The following EFCAB7 variants were observed in gnomAD, a reference collection of about 807,000 sequenced individuals.
EFCAB7 encodes EF-hand calcium binding domain 7.
Under a neutral mutation model 77.1 loss-of-function variants are expected in EFCAB7, and 66 were observed. The ratio of observed to expected loss-of-function variants is 0.86; its 90% CI spans 0.70 to 1.05. The LOEUF (loss-of-function observed/expected upper bound fraction) is 1.05. Among genes scored for constraint, EFCAB7 ranks in the 50% least tolerant of loss-of-function variants. EFCAB7 has a pLI of 0.00. For synonymous variants in EFCAB7, 225 were observed against 243.3 expected, an observed-to-expected ratio of 0.92 and a Z score of 0.70; for missense variants, 638 against 730.5, an observed-to-expected ratio of 0.87 and a Z score of 1.46.
chr1:63,535,599 C>T (rs1646753416), intron 6 of EFCAB7, among the ~76,000 whole-genome samples: 1 of 151,984 alleles, frequency 6.6e-6, no homozygotes, highest in South Asian at 2.1e-4. Flanking sequence ...GTCAGCAGCC[C>T]TTCAGAGTTT....
intron 7 of EFCAB7, chr1:63,549,335 G>T: frequency 2.1e-6 from 1 of 470,874 alleles, no homozygotes; most frequent in Admixed American, 2.4e-5. Flanking sequence ...AAGGTGTACT[G>T]CAAGGAACAA....
At chr1:63,568,651 T>A in intron 12 of EFCAB7, 132 bp downstream of exon 12, 1 of 639,574 alleles carries the variant, frequency 1.6e-6, no homozygotes, top group East Asian at 3.4e-5. Flanking sequence ...TGCATAATTA[T>A]TTTTTCTCCT....
intron 6 of EFCAB7, among the ~76,000 whole-genome samples, chr1:63,543,294 C>A (rs950633553): frequency 2.6e-4 from 40 of 152,206 alleles, no homozygotes; most frequent in Non-Finnish European, 4.3e-4. Flanking sequence ...TTCTATTGTT[C>A]TGTATGTCTG....
At position 63,572,434 on chromosome 1, in the gene EFCAB7, A is replaced by T; in HGVS notation, c.1816-8A>T. 1 of 1,574,344 alleles carries T rather than the reference A, an allele frequency of 6.4e-7. No homozygotes were observed. On this transcript the variant is annotated splice_polypyrimidine_tract_variant and splice_region_variant and intron_variant, in intron 13 of 13. Coordinates refer to ENST00000371088, the MANE Select transcript of EFCAB7 (RefSeq NM_032437.4). ...AAGAGAGTAAAAGCTTTCTATTTTT[A>T]TGTGCAGGTTTGTCAACATGTAATG...
At position 63,571,072 on chromosome 1, in the gene EFCAB7, A is replaced by G; in HGVS notation, c.1759A>G (p.Ile587Val). 6.2e-7 allele frequency: 1 copy of G among 1,612,808 alleles called. No individual in the cohort carries two copies. Among genetic ancestry groups the G allele is most frequent in the South Asian group, 1.1e-5 (1 of 90,806 alleles). Reference protein sequence around the residue: ...HISNELSKNCINNRGLNIFAV... With the variant: ...HISNELSKNCVNNRGLNIFAV... ...CAGCAATGAGCTAAGTAAAAACTGCATAAACAACAGAGGACTCAACATATT... is the reference window on the plus strand; with the variant it reads ...CAGCAATGAGCTAAGTAAAAACTGCGTAAACAACAGAGGACTCAACATATT... The change falls in exon 13 of 14, where the codon ATA becomes GTA. Residue 587 changes from isoleucine (I) to valine (V), a missense_variant. Transcript: ENST00000371088.
chr1:63,555,652 G>C (rs915549248), intron 9 of EFCAB7, 137 bp downstream of exon 9: 60 of 670,408 alleles, frequency 8.9e-5, no homozygotes, highest in Middle Eastern at 4.4e-4. Flanking sequence ...TGAACAACCT[G>C]TATGAACTTG....
rs531855657 is a variant in EFCAB7, at chr1:63,562,018, C to T, written c.1497+161C>T. ...AACAACATGTTTCTGTTAGTTTATA[C>T]AAGTTCTTGTTCTCACCTGAAATTT... On this transcript the variant is annotated intron_variant, in intron 11 of 13. Transcript: ENST00000371088. 7.2e-5 allele frequency among the ~76,000 whole-genome samples: 11 copies of T among 152,212 alleles called. No individual in the cohort carries two copies. In the South Asian group the frequency reaches 1.9e-3, roughly 26 times the overall value.
rs1646699917 is a variant in EFCAB7 at position 63,531,811 on chromosome 1, G to A, written c.188-9G>A. 5 of 1,609,042 alleles carry A rather than the reference G, an allele frequency of 3.1e-6. No homozygotes were observed. Among genetic ancestry groups the A allele is most frequent in the Non-Finnish European group, 3.4e-6 (4 of 1,178,212 alleles). On this transcript the variant is annotated splice_polypyrimidine_tract_variant and intron_variant, in intron 2 of 13. Transcript: ENST00000371088. ...TACAATCACAAATAATACTTGTCTTGTTGGGCAGCTCTTCAGCATGCAGGA... is the reference window on the plus strand; with the variant it reads ...TACAATCACAAATAATACTTGTCTTATTGGGCAGCTCTTCAGCATGCAGGA...
chr1:63,538,616 C>G (rs898180229), intron 6 of EFCAB7, among the ~76,000 whole-genome samples: 6 of 152,004 alleles, frequency 3.9e-5, no homozygotes, highest in Non-Finnish European at 8.8e-5. Flanking sequence ...ACCACGCTGG[C>G]TAATTTTTGT....
At chr1:63,557,953 T>C (rs1277028239) in intron 10 of EFCAB7, among the ~76,000 whole-genome samples, 1 of 152,300 alleles carries the variant, frequency 6.6e-6, no homozygotes, top group Non-Finnish European at 1.5e-5. Flanking sequence ...CTGGGATAGC[T>C]ATATGTGGGT....
rs1343198893 is a variant in EFCAB7, at chr1:63,533,429, C to G, written c.487-25C>G. The stretch of plus-strand genomic sequence containing the variant: ...CCCAGTGTATGATTGAATGTTTTAC[C>G]CACTGGACTTTTTTTTTCCTGTAGT... On this transcript the variant is annotated intron_variant, in intron 4 of 13. Coordinates refer to ENST00000371088, the MANE Select transcript of EFCAB7 (RefSeq NM_032437.4). 6.4e-6 allele frequency: 10 copies of G among 1,574,448 alleles called. No homozygotes were observed. The East Asian group carries it at 1.6e-4, about 25-fold the overall frequency.
At chr1:63,549,493 A>ACAG in intron 7 of EFCAB7, 1 of 459,442 alleles carries the variant, frequency 2.2e-6, no homozygotes, top group Non-Finnish European at 4.5e-6. Flanking sequence ...CAGGAGGTGG[A>ACAG]TAATTACTGT....
At chr1:63,571,280 G>A in intron 13 of EFCAB7, 152 bp downstream of exon 13, 1 of 581,510 alleles carries the variant, frequency 1.7e-6, no homozygotes, top group Admixed American at 3.4e-5. Flanking sequence ...CTCAGAGACA[G>A]GAGACTTTGG....
In EFCAB7 at chr1:63,523,530, C is replaced by T. The variant is rs1185811610; in HGVS notation, c.-106C>T. ...TTCCGGTGGCGGTGAGGTGCAGTTGCCATGGTGATTAGAGAAAGGCCGAGA... is the reference window on the plus strand; with the variant it reads ...TTCCGGTGGCGGTGAGGTGCAGTTGTCATGGTGATTAGAGAAAGGCCGAGA... On this transcript the variant is annotated 5_prime_UTR_variant, in exon 1 of 14. Coordinates refer to ENST00000371088, the MANE Select transcript of EFCAB7 (RefSeq NM_032437.4). 2 of 271,082 alleles carry T rather than the reference C, an allele frequency of 7.4e-6. No homozygotes were observed. The highest frequency in any genetic ancestry group is 1.5e-5 in the Non-Finnish European group (2 of 137,198). The allele number at this position is 271,082 out of a possible 1,614,324, so 16.8% of individuals were successfully genotyped here.
downstream of EFCAB7, among the ~76,000 whole-genome samples, chr1:63,575,445 C>T (rs1363319238): frequency 6.6e-6 from 1 of 151,964 alleles, no homozygotes; most frequent in Non-Finnish European, 1.5e-5. Flanking sequence ...TTTTGGCCAC[C>T]AGAGGGTGAG....
intron 2 of EFCAB7, chr1:63,527,768 A>C (rs1465862325): frequency 1.3e-5 from 2 of 152,174 alleles, no homozygotes. Flanking sequence ...TATTCTGAGA[A>C]AGTTGTTCTT....
In EFCAB7 at chr1:63,572,692, C is replaced by A. The variant is rs1035219419; in HGVS notation, c.*176C>A. The A allele has an allele frequency of 3.1e-6, 3 of 974,158 alleles. No homozygotes were observed. The highest frequency in any genetic ancestry group is 4.7e-5 in the East Asian group (1 of 21,466). 60.3% of individuals were successfully genotyped at this position (974,158 alleles called of 1,614,324 possible). On this transcript the variant is annotated 3_prime_UTR_variant, in exon 14 of 14. Coordinates refer to ENST00000371088, the MANE Select transcript of EFCAB7 (RefSeq NM_032437.4). ...ATTATTAAAATATAAATAATGCTTT[C>A]ATTGTGTGGTGTTCTTATTTAGTAG...
chr1:63,525,501 G>T, intron 1 of EFCAB7, 71 bp from the exon 2 acceptor site: 16 of 1,232,792 alleles, frequency 1.3e-5, no homozygotes, highest in South Asian at 1.3e-4. Context: ...CCCTGTATTT[G>T]AAAGACATGG....
At chr1:63,556,930 CG>C (rs1647038010) in intron 9 of EFCAB7, among the ~76,000 whole-genome samples, 183 bp from the exon 10 acceptor site, 1 of 148,566 alleles carries the variant, frequency 6.7e-6, no homozygotes, top group Non-Finnish European at 1.5e-5. Context: ...CCCAGCTACT[CG>C]GGAGGCTGAG....
Sources: gnomAD v4.1 joint callset for allele counts (sites outside exome capture counted in the v4.1 genomes callset) on GRCh38, gnomAD v4.1.1 for gene constraint, MANE v1.5 for transcripts, NCBI Gene and HGNC (gene_info 2026-07-23, HGNC 2026-07-21) for gene names.